Variants in WDR27 observed in about 807,000 individuals in gnomAD.
The protein encoded by WDR27 is WD repeat-containing protein 27.
A neutral mutation model predicts 114.4 loss-of-function variants in WDR27; 100 were observed. The ratio of observed to expected loss-of-function variants is 0.87; its 90% CI spans 0.74 to 1.03. The LOEUF (loss-of-function observed/expected upper bound fraction) is 1.03. Ranked by LOEUF, WDR27 falls within the 50% of genes least tolerant of loss-of-function variation. The pLI, the probability that WDR27 is intolerant of heterozygous loss-of-function variation, is 0.00. For missense variants in WDR27, 1,129 were observed against 1,092.9 expected, an observed-to-expected ratio of 1.03 and a Z score of -0.47; for synonymous variants, 449 against 423.1, an observed-to-expected ratio of 1.06 and a Z score of -0.75.
intron 25 of WDR27, among the ~76,000 whole-genome samples, chr6:169,516,788 A>AACACACACACACACACAC (rs3032851): frequency 2.9e-3 from 350 of 119,314 alleles, no homozygotes; most frequent in Non-Finnish European, 4.7e-3. Flanking sequence ...GGCATGCTCC[A>AACACACACACACACACAC]ACACACACAC....
chr6:169,674,446 CACTT>C (rs1325351826), intron 2 of WDR27, among the ~76,000 whole-genome samples: 1 of 151,988 alleles, frequency 6.6e-6, no homozygotes, highest in Non-Finnish European at 1.5e-5. Context: ...TTTTAAAAAA[CACTT>C]AGTGGGATTA....
chr6:169,601,283 G>C (rs529347514), intron 23 of WDR27, among the ~76,000 whole-genome samples: 2 of 152,244 alleles, frequency 1.3e-5, no homozygotes, highest in African/African-American at 4.8e-5. Context: ...GTCACCACCA[G>C]GTCTTGAAGT....
chr6:169,436,066 GTATGT>G, the WDR27 span, among the ~76,000 whole-genome samples: 4 of 152,160 alleles, frequency 2.6e-5, no homozygotes, highest in South Asian at 2.1e-4. Flanking sequence ...TTAAATCTCT[GTATGT>G]TATGTTATAT....
At chr6:169,666,562 T>C in intron 6 of WDR27, 2 of 985,530 alleles carry the variant, frequency 2.0e-6, no homozygotes, top group Non-Finnish European at 2.4e-6. Flanking sequence ...GGAGAGGTGC[T>C]GGGGCGTCAC....
intron 18 of WDR27, among the ~76,000 whole-genome samples, chr6:169,637,843 C>A (rs1818038625): frequency 6.7e-6 from 1 of 150,210 alleles, no homozygotes; most frequent in South Asian, 2.1e-4. Flanking sequence ...GTGTATGCAT[C>A]TACACGTGTG....
chr6:169,445,906 G>A, the WDR27 span, among the ~76,000 whole-genome samples: 33 of 152,222 alleles, frequency 2.2e-4, no homozygotes, highest in African/African-American at 6.8e-4. Context: ...TGGGTGGGGT[G>A]GGGGGAGGCA....
chr6:169,507,842 G>A lies in WDR27; in HGVS notation c.2646-50208C>T, dbSNP rs535081005. On this transcript the variant is annotated intron_variant, in intron 25 of 25. Transcript: ENST00000448612. ...TGACACATGGTGAAGTGGAGTGGCT[G>A]TGATGGAGACCACATGTGGCACTCT... Among the ~76,000 whole-genome samples, 29 of 152,078 alleles carry A rather than the reference G, an allele frequency of 1.9e-4. 1 individual carries two copies. In the South Asian group the frequency reaches 5.8e-3, roughly 30 times the overall value.
the WDR27 span, among the ~76,000 whole-genome samples, chr6:169,445,724 C>T: frequency 6.6e-6 from 1 of 152,278 alleles, no homozygotes; most frequent in Non-Finnish European, 1.5e-5. Flanking sequence ...GCCGCCAGCA[C>T]TGCACCTGCG....
chr6:169,617,844 T>C (rs1198761560), intron 21 of WDR27, among the ~76,000 whole-genome samples: 1 of 152,250 alleles, frequency 6.6e-6, no homozygotes, highest in Non-Finnish European at 1.5e-5. Context: ...GTATTCGCGT[T>C]TACAAGCTTC....
the WDR27 span, among the ~76,000 whole-genome samples, chr6:169,433,801 T>C: frequency 6.6e-6 from 1 of 152,258 alleles, no homozygotes; most frequent in African/African-American, 2.4e-5. Context: ...CATGAGATGG[T>C]ATCTCATTGT....
intron 1 of WDR27, among the ~76,000 whole-genome samples, chr6:169,696,005 A>G (rs948136727): frequency 8.5e-5 from 13 of 152,242 alleles, no homozygotes; most frequent in Non-Finnish European, 7.4e-5. Context: ...GCCAGCCCCA[A>G]TGCCACCCTG....
chr6:169,457,072 C>T (rs77366054), downstream of WDR27: 3,232 of 162,028 alleles, frequency 0.02, 67 homozygotes, highest in East Asian at 0.07. Context: ...GGGAAGAGGC[C>T]AGGCTCACCA....
At position 169,457,587 on chromosome 6, in the gene WDR27, C is replaced by A. The variant is rs1784422160; in HGVS notation, c.*5G>T. 3.2e-6 allele frequency: 5 copies of A among 1,551,546 alleles called. No homozygotes were observed. In the East Asian group the frequency reaches 1.2e-4, roughly 38 times the overall value. On this transcript the variant is annotated 3_prime_UTR_variant, in exon 26 of 26. Coordinates refer to ENST00000448612, the MANE Select transcript of WDR27 (RefSeq NM_182552.5). Reference sequence around the variant, plus strand: ...GACCCAGCTCACAGGTCAGTGGTTACTCAGCTAGAAAGAGCTGGAGTTTAC... The same window carrying A: ...GACCCAGCTCACAGGTCAGTGGTTAATCAGCTAGAAAGAGCTGGAGTTTAC...
At chr6:169,667,279 G>C (rs1828117119) in intron 5 of WDR27, 92 bp from the exon 6 acceptor site, 1 of 1,306,216 alleles carries the variant, frequency 7.7e-7, no homozygotes, top group South Asian at 2.6e-5. Context: ...TATCAGATTA[G>C]TCAACACAAA....
At chr6:169,688,677 T>C (rs889226813) in intron 2 of WDR27, 140 bp downstream of exon 2, 6 of 382,508 alleles carry the variant, frequency 1.6e-5, no homozygotes, top group Admixed American at 4.6e-5. Context: ...TAAAAAAATA[T>C]ATATAATGTT....
chr6:169,550,790 A>C (rs955832181), intron 25 of WDR27, among the ~76,000 whole-genome samples: 39 of 152,132 alleles, frequency 2.6e-4, no homozygotes, highest in African/African-American at 7.7e-4. Context: ...ATCACAGCTC[A>C]CTGCAGCCTT....
At chr6:169,572,928 A>AT (rs761136575) in intron 24 of WDR27, among the ~76,000 whole-genome samples, 4 of 152,202 alleles carry the variant, frequency 2.6e-5, no homozygotes, top group Non-Finnish European at 5.9e-5. Context: ...TCTACATGAT[A>AT]TAACTACTTA....
In WDR27 at chr6:169,659,460, C is replaced by T. The variant is rs775358163; in HGVS notation, c.1188G>A (p.Ala396=). 2.0e-5 allele frequency: 32 copies of T among 1,608,536 alleles called. No homozygotes were observed. Among genetic ancestry groups the T allele is most frequent in the Admixed American group, 3.4e-5 (2 of 59,096 alleles). ...AGSCALRNRT[A]DQKVLCLLAS... ...GCGTCTCAGGACTGACCTTTTGATC[C>T]GCAGTGCGGTTCCTCAGGGCACACG... The change falls in exon 11 of 26, where the codon GCG becomes GCA. Residue 396 remains alanine, a synonymous_variant. Coordinates refer to ENST00000448612, the MANE Select transcript of WDR27 (RefSeq NM_182552.5). The surrounding 1 kb of genome is among the most constrained non-coding windows in gnomAD (Gnocchi z 4.3).
intron 13 of WDR27, among the ~76,000 whole-genome samples, chr6:169,655,964 C>T (rs575293021): frequency 9.5e-4 from 145 of 152,188 alleles, no homozygotes; most frequent in African/African-American, 3.4e-3. Flanking sequence ...CCTCGTGATC[C>T]GCCTGCCTCG....
Sources: allele counts gnomAD v4.1 joint callset (sites outside exome capture counted in the v4.1 genomes callset), GRCh38; gene constraint gnomAD v4.1.1; non-coding constraint Gnocchi (gnomAD v3.1); transcripts MANE v1.5; gene names NCBI Gene and HGNC (gene_info 2026-07-23, HGNC 2026-07-21).